CATSPER3: variants seen among roughly 807,000 people sequenced by gnomAD.
CATSPER3 encodes cation channel sperm associated 3.
CATSPER3 carries 23 observed loss-of-function variants against 36.6 expected under a neutral mutation model. The ratio of observed to expected loss-of-function variants is 0.63; its 90% confidence interval spans 0.45 to 0.89. The LOEUF is 0.89. CATSPER3 is among the 40% of genes least tolerant of loss of function. CATSPER3 has a pLI of 0.00. For missense variants in CATSPER3, 474 were observed against 503.9 expected (o/e 0.94, Z 0.57); for synonymous variants, 172 against 184.1 (o/e 0.93, Z 0.53).
At chr5:134,979,421 T>C (rs1380491771) in intron 2 of CATSPER3, among the ~76,000 whole-genome samples, 1 of 152,194 alleles carries the variant, frequency 6.6e-6, no homozygotes, top group East Asian at 1.9e-4. Context: ...CACCATGCAC[T>C]AACCCAGACC....
intron 3 of CATSPER3, among the ~76,000 whole-genome samples, chr5:134,998,499 T>A (rs1316295685): frequency 1.1e-4 from 16 of 148,812 alleles, no homozygotes; most frequent in South Asian, 2.2e-4. Context: ...CGCCACACTG[T>A]CTTCCACAAT....
chr5:134,974,689 C>T (rs886329729), intron 2 of CATSPER3, among the ~76,000 whole-genome samples: 21 of 152,152 alleles, frequency 1.4e-4, no homozygotes, highest in African/African-American at 5.1e-4. Flanking sequence ...TTAGCATAAA[C>T]ATAATGTGGT....
intron 2 of CATSPER3, among the ~76,000 whole-genome samples, chr5:134,991,773 GA>G (rs1422798748): frequency 6.6e-6 from 1 of 152,104 alleles, no homozygotes; most frequent in Non-Finnish European, 1.5e-5. Context: ...GACAACAAAA[GA>G]AAAAACAGAC....
intron 2 of CATSPER3, among the ~76,000 whole-genome samples, chr5:134,977,628 A>T (rs553010744): frequency 6.8e-4 from 103 of 152,206 alleles, no homozygotes; most frequent in Admixed American, 2.4e-3. Flanking sequence ...AAGCTCTTCC[A>T]TTCTCCCTGT....
rs766050220 is a variant in CATSPER3, at chr5:135,008,017, T to C, written c.553T>C (p.Phe185Leu). 9.3e-6 allele frequency: 15 copies of C among 1,614,188 alleles called. No individual in the cohort carries two copies. In the South Asian group the frequency reaches 1.6e-4, roughly 18 times the overall value. ...YTVASVLLLL[F>L]LLMYIFAILG... ...CGTGGCCTCTGTGCTCCTCCTGCTC[T>C]TCCTCCTCATGTACATCTTCGCTAT... is the stretch of plus-strand genomic sequence containing the variant. The change falls in exon 4 of 8, where the codon TTC (phenylalanine) becomes CTC (leucine). Residue 185 changes from phenylalanine (F) to leucine (L), a missense_variant. Coordinates refer to ENST00000282611, the MANE Select transcript of CATSPER3 (RefSeq NM_178019.3).
chr5:134,998,295 A>C (rs111652668), intron 3 of CATSPER3, among the ~76,000 whole-genome samples: 20,390 of 152,238 alleles, frequency 0.13, 3,941 homozygotes, highest in African/African-American at 0.43. Flanking sequence ...TATATGTGCC[A>C]CATTTTCTTA....
intron 2 of CATSPER3, 51 bp from the exon 3 acceptor site, chr5:134,996,222 C>T: frequency 2.5e-6 from 4 of 1,613,668 alleles, no homozygotes; most frequent in Non-Finnish European, 3.4e-6. Context: ...GGCCAGAGCT[C>T]TAGGGCTGTG....
chr5:135,007,488 G>T, intron 3 of CATSPER3, among the ~76,000 whole-genome samples: 1 of 152,192 alleles, frequency 6.6e-6, no homozygotes, highest in Non-Finnish European at 1.5e-5. Flanking sequence ...TGAAGACGGG[G>T]TCGACAAGGA....
intron 2 of CATSPER3, among the ~76,000 whole-genome samples, chr5:134,988,855 C>G (rs1343043113): frequency 6.6e-6 from 1 of 151,924 alleles, no homozygotes; most frequent in Non-Finnish European, 1.5e-5. Flanking sequence ...TGAATTCTTT[C>G]CAGAAGGTTT....
chr5:134,980,433 C>CT (rs1172133000), intron 2 of CATSPER3, among the ~76,000 whole-genome samples: 960 of 93,116 alleles, frequency 0.01, 16 homozygotes, highest in South Asian at 0.034. Context: ...TTCTTTCTTT[C>CT]TTTTTTTTTT....
chr5:134,975,206 T>G (rs1360456020), intron 2 of CATSPER3: 1 of 152,098 alleles, frequency 6.6e-6, no homozygotes, highest in African/African-American at 2.4e-5. Flanking sequence ...TGAGAAATTA[T>G]TAACACTTCT....
Position 135,009,499 on chromosome 5 carries a change from C to T in CATSPER3, c.936+9C>T, listed in dbSNP as rs369957678. 1 of 1,344,140 alleles carries T rather than the reference C, an allele frequency of 7.4e-7. No homozygotes were observed. Among genetic ancestry groups the T allele is most frequent in the African/African-American group, 3.0e-5 (1 of 33,334 alleles). The allele number at this position is 1,344,140 out of a possible 1,614,324, so 83.3% of individuals were successfully genotyped here. A position where few individuals can be genotyped will look rare whatever the true frequency, so the allele number is the denominator to read the frequency against. ...GGCTGATGCACATACAGGTGAGTGGCCCCTGCAGGCAGGTGGACAGATGGG... is the reference window on the plus strand; with the variant it reads ...GGCTGATGCACATACAGGTGAGTGGTCCCTGCAGGCAGGTGGACAGATGGG... On this transcript the variant is annotated intron_variant, in intron 6 of 7. Coordinates refer to ENST00000282611, the MANE Select transcript of CATSPER3 (RefSeq NM_178019.3).
intron 3 of CATSPER3, among the ~76,000 whole-genome samples, chr5:135,000,663 C>T (rs1013159566): frequency 6.6e-6 from 1 of 152,038 alleles, no homozygotes; most frequent in African/African-American, 2.4e-5. Context: ...GTGTAGGTGT[C>T]CAGGAATTTA....
intron 3 of CATSPER3, among the ~76,000 whole-genome samples, chr5:135,006,576 C>T (rs1393070348): frequency 6.6e-6 from 1 of 151,994 alleles, no homozygotes; most frequent in Non-Finnish European, 1.5e-5. Flanking sequence ...GTGGCTCACA[C>T]CTGTAATCCC....
chr5:135,009,259 A>G, intron 5 of CATSPER3, 112 bp from the exon 6 acceptor site: 1 of 1,191,226 alleles, frequency 8.4e-7, no homozygotes, highest in Non-Finnish European at 1.2e-6. Flanking sequence ...TGTGTGGGGA[A>G]AAGTGCTCCT....
chr5:135,010,585 G>A (rs750244192), intron 7 of CATSPER3, 55 bp downstream of exon 7: 36 of 1,520,852 alleles, frequency 2.4e-5, no homozygotes, highest in Middle Eastern at 3.6e-4. Context: ...AGGTTGGGCT[G>A]TGTCAGGTGC....
chr5:135,008,397 A>T (rs1285135029), intron 4 of CATSPER3, among the ~76,000 whole-genome samples: 3 of 152,178 alleles, frequency 2.0e-5, no homozygotes, highest in Non-Finnish European at 4.4e-5. Flanking sequence ...AGAGTCCTCA[A>T]ATGATAATTC....
At chr5:134,994,303 A>G (rs1259110551) in intron 2 of CATSPER3, among the ~76,000 whole-genome samples, 1 of 152,250 alleles carries the variant, frequency 6.6e-6, no homozygotes, top group Non-Finnish European at 1.5e-5. Context: ...AGAAACAGGC[A>G]ATTCATAATT....
intron 2 of CATSPER3, among the ~76,000 whole-genome samples, chr5:134,972,436 T>C (rs1751618968): frequency 6.6e-6 from 1 of 151,686 alleles, no homozygotes; most frequent in Admixed American, 6.6e-5. Flanking sequence ...TGATACAAGA[T>C]AGGAAAGAAC....
Sources: gnomAD v4.1 joint callset for allele counts (sites outside exome capture counted in the v4.1 genomes callset) on GRCh38, gnomAD v4.1.1 for gene constraint, MANE v1.5 for transcripts, NCBI Gene and HGNC (gene_info 2026-07-23, HGNC 2026-07-21) for gene names.